The following SCN1A variants were observed in gnomAD, a reference collection of about 807,000 sequenced individuals.
SCN1A encodes sodium channel protein type 1 subunit alpha.
In SCN1A, 13 loss-of-function variants were observed where a neutral mutation model predicts 193.7. The ratio of observed to expected loss-of-function variants is 0.07; its 90% CI spans 0.04 to 0.11. The LOEUF (loss-of-function observed/expected upper bound fraction) is 0.11. SCN1A is among the 10% of genes least tolerant of loss of function. SCN1A has a pLI of 1.00. For missense variants in SCN1A, 1,432 were observed against 2,451.1 expected, an observed-to-expected ratio of 0.58 and a Z score of 8.78; for synonymous variants, 781 against 843.6, an observed-to-expected ratio of 0.93 and a Z score of 1.29.
intron 5 of SCN1A, among the ~76,000 whole-genome samples, chr2:166,058,093 G>T (rs1390235386): frequency 1.3e-5 from 2 of 152,020 alleles, no homozygotes; most frequent in Non-Finnish European, 2.9e-5. Flanking sequence ...ACTGGCCAAA[G>T]ACTCCTGACA....
intron 4 of SCN1A, chr2:166,071,821 TG>T (rs894880389): frequency 6.8e-6 from 1 of 147,882 alleles, no homozygotes; most frequent in African/African-American, 2.5e-5. Flanking sequence ...ACCCGAGAGG[TG>T]GGGCTTGCAG....
Position 166,051,701 on chromosome 2 carries a change from CATAACA to C in SCN1A, c.964+12_964+17del. On this transcript the variant is annotated intron_variant, in intron 9 of 28. Transcript: ENST00000674923. ...CAATTCTACTTTTTAAGGAAATGTA[CATAACA>C]ATAATTCTTACTTGAATCTTGAATA... 6.4e-7 allele frequency: 1 copy of C among 1,571,550 alleles called. No homozygotes were observed. The highest frequency in any genetic ancestry group is 1.4e-5 in the African/African-American group (1 of 74,006).
intron 19 of SCN1A, among the ~76,000 whole-genome samples, chr2:166,023,781 GT>G (rs1440246951): frequency 0.019 from 2,797 of 145,932 alleles, 105 homozygotes; most frequent in African/African-American, 0.067. Flanking sequence ...AAAAAATGAT[GT>G]TTTTTTTTTT....
chr2:166,047,533 T>C (rs1697984888), intron 11 of SCN1A, 94 bp downstream of exon 11: 1 of 1,396,936 alleles, frequency 7.2e-7, no homozygotes, highest in Non-Finnish European at 1.0e-6. Flanking sequence ...TTCTGCTCTT[T>C]CTACTATATT....
intron 19 of SCN1A, among the ~76,000 whole-genome samples, chr2:166,021,698 A>G (rs1472853869): frequency 6.6e-6 from 1 of 152,194 alleles, no homozygotes; most frequent in Non-Finnish European, 1.5e-5. Context: ...GAACTTAGAG[A>G]AAGTCTATCA....
At chr2:166,136,813 G>A (rs1168961465) in intron 1 of SCN1A, among the ~76,000 whole-genome samples, 1 of 152,162 alleles carries the variant, frequency 6.6e-6, no homozygotes, top group Admixed American at 6.5e-5. Flanking sequence ...TAGAGCTTTA[G>A]AAGACCCAAC....
chr2:166,000,939 C>T, intron 24 of SCN1A, among the ~76,000 whole-genome samples: 1 of 148,818 alleles, frequency 6.7e-6, no homozygotes, highest in African/African-American at 2.5e-5. Context: ...TAGCTTTGTG[C>T]AGGACCATCA....
At chr2:166,044,575 CAG>C (rs549675764) in intron 13 of SCN1A, among the ~76,000 whole-genome samples, 27 of 152,258 alleles carry the variant, frequency 1.8e-4, no homozygotes, top group South Asian at 6.2e-4. Context: ...TTCTGAAATT[CAG>C]AGTCATGTGC....
At chr2:166,103,054 C>T (rs1201138497) in intron 2 of SCN1A, among the ~76,000 whole-genome samples, 1 of 147,190 alleles carries the variant, frequency 6.8e-6, no homozygotes, top group African/African-American at 2.5e-5. Flanking sequence ...TCAAGCCTGA[C>T]TTTAGATTTG....
chr2:166,015,212 T>G (rs1481322919), intron 20 of SCN1A, among the ~76,000 whole-genome samples: 1 of 151,888 alleles, frequency 6.6e-6, no homozygotes, highest in Middle Eastern at 3.2e-3. Flanking sequence ...AACTGATGTT[T>G]TCATTAAAGA....
At position 165,986,395 on chromosome 2, in the gene SCN1A, A is replaced by G. The variant is rs564355293; in HGVS notation, c.*4850T>C. 1 of 152,164 alleles carries G rather than the reference A, an allele frequency of 6.6e-6. No individual in the cohort carries two copies. Among genetic ancestry groups the G allele is most frequent in the African/African-American group, 2.4e-5 (1 of 41,446 alleles). The allele number at this position is 152,164 out of a possible 1,614,324, so 9.4% of individuals were successfully genotyped here. On this transcript the variant is annotated 3_prime_UTR_variant, in exon 29 of 29. Coordinates refer to ENST00000674923, the MANE Select transcript of SCN1A (RefSeq NM_001165963.4). ...AAACAGCAAAGTGCCACCTTCTGTTATCCAAATCAGATCTGTTTAGCATCA... is the reference window on the plus strand; with the variant it reads ...AAACAGCAAAGTGCCACCTTCTGTTGTCCAAATCAGATCTGTTTAGCATCA...
chr2:166,141,236 G>A (rs781720659), intron 1 of SCN1A, among the ~76,000 whole-genome samples: 11 of 151,990 alleles, frequency 7.2e-5, no homozygotes, highest in Non-Finnish European at 1.2e-4. Context: ...GACTTGAGTG[G>A]CTCTTGAAGT....
At chr2:166,120,196 T>G (rs1690379075) in intron 2 of SCN1A, among the ~76,000 whole-genome samples, 1 of 151,776 alleles carries the variant, frequency 6.6e-6, no homozygotes, top group South Asian at 2.1e-4. Flanking sequence ...GTTCCTTTTT[T>G]ATGTACTTTA....
chr2:166,087,976 A>G lies in SCN1A; in HGVS notation c.-141-10175T>C, dbSNP rs139988728. Among the ~76,000 whole-genome samples the G allele has an allele frequency of 3.3e-3, 497 of 152,260 alleles. 11 individuals are homozygous for G. The highest frequency in any genetic ancestry group is 0.031 in the Admixed American group (471 of 15,284). ...ACAGATTCATTTTTTTAAGTCCCAG[A>G]GTAGAAGAAAATGGAGGTTGAACAC... On this transcript the variant is annotated intron_variant, in intron 2 of 28. Coordinates refer to ENST00000674923, the MANE Select transcript of SCN1A (RefSeq NM_001165963.4).
rs974748565 is a variant in SCN1A at position 166,013,606 on chromosome 2, T to G, written c.3705+138A>C. 3.5e-5 allele frequency: 26 copies of G among 753,188 alleles called. 1 individual carries two copies. Among genetic ancestry groups the G allele is most frequent in the Admixed American group, 2.9e-4 (14 of 47,756 alleles). The allele number at this position is 753,188 out of a possible 1,614,324, so 46.7% of individuals were successfully genotyped here. On this transcript the variant is annotated intron_variant, in intron 21 of 28. Transcript: ENST00000674923. ...AATCCAGAAATATAGAGTTATAGAGTAAATCTATAGAAGATACAAGGTGGG... is the reference window on the plus strand; with the variant it reads ...AATCCAGAAATATAGAGTTATAGAGGAAATCTATAGAAGATACAAGGTGGG...
chr2:166,062,913 T>C (rs376203654), intron 4 of SCN1A, among the ~76,000 whole-genome samples: 1 of 152,126 alleles, frequency 6.6e-6, no homozygotes, highest in South Asian at 2.1e-4. Flanking sequence ...TTGCATTAAG[T>C]CATTTGAATA....
At chr2:166,102,232 C>A (rs983908663) in intron 2 of SCN1A, among the ~76,000 whole-genome samples, 1 of 152,192 alleles carries the variant, frequency 6.6e-6, no homozygotes, top group African/African-American at 2.4e-5. Flanking sequence ...CGCGGTGACT[C>A]GCGCCTGCAA....
chr2:166,070,117 C>T (rs932488295), intron 4 of SCN1A, among the ~76,000 whole-genome samples: 9 of 151,988 alleles, frequency 5.9e-5, no homozygotes, highest in African/African-American at 2.2e-4. Flanking sequence ...CTGAAATAAT[C>T]CAATTAGAAA....
chr2:166,107,824 T>A (rs146059288), intron 2 of SCN1A, among the ~76,000 whole-genome samples: 339 of 152,222 alleles, frequency 2.2e-3, no homozygotes, highest in African/African-American at 7.8e-3. Flanking sequence ...TAATCATAAA[T>A]TTAAACGTAA....
Sources: allele counts gnomAD v4.1 joint callset (sites outside exome capture counted in the v4.1 genomes callset), GRCh38; gene constraint gnomAD v4.1.1; transcripts MANE v1.5; gene names NCBI Gene and HGNC (gene_info 2026-07-23, HGNC 2026-07-21).